Variants in ABHD18 observed in about 807,000 individuals in gnomAD.
The protein encoded by ABHD18 is abhydrolase domain containing 18.
Under a neutral mutation model 65.9 loss-of-function variants are expected in ABHD18, and 55 were observed. The observed-to-expected ratio is 0.84, with a 90% CI of 0.67 to 1.05. The LOEUF is 1.05. Among genes scored for constraint, ABHD18 ranks in the 50% least tolerant of loss-of-function variants. The pLI, the probability that ABHD18 is intolerant of heterozygous loss-of-function variation, is 0.00. For synonymous variants in ABHD18, 181 were observed against 180.2 expected (o/e 1.00, Z -0.04); for missense variants, 533 against 558.5 (o/e 0.95, Z 0.46).
At position 128,028,388 on chromosome 4, in the gene ABHD18, C is replaced by G. The variant is rs550082772; in HGVS notation, c.802-87C>G. On this transcript the variant is annotated intron_variant, in intron 10 of 12. Transcript: ENST00000645843. Reference sequence around the variant, plus strand: ...ATTTATCCATTTATTCATTGATGGACATTTGTCTTTTCTCTTTTTTTTTTG... The same window carrying G: ...ATTTATCCATTTATTCATTGATGGAGATTTGTCTTTTCTCTTTTTTTTTTG... 32 of 969,256 alleles carry G rather than the reference C, an allele frequency of 3.3e-5. No homozygotes were observed. In the African/African-American group the frequency reaches 5.1e-4, roughly 15 times the overall value. The allele number at this position is 969,256 out of a possible 1,614,324, so 60.0% of individuals were successfully genotyped here.
At chr4:128,009,269 T>A in intron 6 of ABHD18, 78 bp downstream of exon 6, 2 of 938,866 alleles carry the variant, frequency 2.1e-6, no homozygotes, top group African/African-American at 1.7e-5. Flanking sequence ...GGAATGATAG[T>A]AACCAAGTTT....
chr4:127,980,025 A>G (rs1296529788), intron 1 of ABHD18, among the ~76,000 whole-genome samples: 1 of 152,098 alleles, frequency 6.6e-6, no homozygotes, highest in Non-Finnish European at 1.5e-5. Context: ...AAAATGTGTT[A>G]CATTACTTTA....
chr4:127,984,676 G>C (rs1250327576), intron 3 of ABHD18, among the ~76,000 whole-genome samples: 3 of 151,990 alleles, frequency 2.0e-5, no homozygotes, highest in African/African-American at 7.3e-5. Context: ...GACCAACATG[G>C]AGAAACCCCG....
chr4:128,003,029 C>T (rs756025855), intron 4 of ABHD18, among the ~76,000 whole-genome samples: 2 of 152,038 alleles, frequency 1.3e-5, no homozygotes, highest in East Asian at 1.9e-4. Context: ...TGACATTTGA[C>T]CTTATTCTTC....
intron 7 of ABHD18, 116 bp downstream of exon 7, chr4:128,011,816 G>T: frequency 2.2e-6 from 1 of 455,112 alleles, no homozygotes; most frequent in South Asian, 3.9e-5. Context: ...ATTATGGGGG[G>T]GGGGAGTTCT....
At chr4:128,033,862 G>GA (rs1758559851) in intron 12 of ABHD18, among the ~76,000 whole-genome samples, 1 of 151,902 alleles carries the variant, frequency 6.6e-6, no homozygotes, top group African/African-American at 2.4e-5. Context: ...GCTGTGTTTG[G>GA]ATGTGAGGAT....
chr4:128,013,386 T>C (rs1254313372), intron 7 of ABHD18, among the ~76,000 whole-genome samples: 1 of 152,032 alleles, frequency 6.6e-6, no homozygotes, highest in African/African-American at 2.4e-5. Flanking sequence ...TGTGTATGAA[T>C]TGGATGGTGT....
chr4:128,028,502 T>A lies in ABHD18; in HGVS notation c.829T>A (p.Phe277Ile), dbSNP rs1020392118. Residue 277 changes from phenylalanine to isoleucine, a missense_variant, in exon 11 of 13, where the codon TTT becomes ATT. Physicochemically the swap from Phe to Ile is conservative, Grantham distance 21. Coordinates refer to ENST00000645843, the MANE Select transcript of ABHD18 (RefSeq NM_001358451.3). The part of the protein sequence containing the change: ...GTDSFKMGQE[F>I]VKHFTSSADK... ...AGATTCTTTCAAAATGGGACAAGAGTTTGTGAAACACTTCACTAGCAGTGC... is the reference window on the plus strand; with the variant it reads ...AGATTCTTTCAAAATGGGACAAGAGATTGTGAAACACTTCACTAGCAGTGC... 6 of 1,580,204 alleles carry A rather than the reference T, an allele frequency of 3.8e-6. No homozygotes were observed. Among genetic ancestry groups the A allele is most frequent in the Non-Finnish European group, 5.1e-6 (6 of 1,166,144 alleles).
chr4:128,015,087 A>G (rs1755258481), intron 7 of ABHD18, among the ~76,000 whole-genome samples: 1 of 151,726 alleles, frequency 6.6e-6, no homozygotes, highest in Non-Finnish European at 1.5e-5. Flanking sequence ...AAAAAAAAAA[A>G]AAAAAAAATT....
intron 10 of ABHD18, among the ~76,000 whole-genome samples, chr4:128,025,014 TA>T (rs201057667): frequency 4.7e-5 from 7 of 148,760 alleles, no homozygotes; most frequent in Admixed American, 6.7e-5. Flanking sequence ...TTCTTTAACT[TA>T]AAAAAAAAAT....
At chr4:128,014,553 C>G (rs1399277620) in intron 7 of ABHD18, among the ~76,000 whole-genome samples, 2 of 152,108 alleles carry the variant, frequency 1.3e-5, no homozygotes, top group South Asian at 2.1e-4. Context: ...ATAAAATATT[C>G]TATCACATAC....
chr4:127,966,533 G>A (rs1429044265), intron 1 of ABHD18, among the ~76,000 whole-genome samples: 1 of 151,758 alleles, frequency 6.6e-6, no homozygotes, highest in Non-Finnish European at 1.5e-5. Context: ...GTGTGTATCA[G>A]CCAGGCGCAG....
chr4:127,965,748 G>T, intron 1 of ABHD18, 142 bp downstream of exon 1: 1 of 162,736 alleles, frequency 6.1e-6, no homozygotes, highest in Non-Finnish European at 1.4e-5. Flanking sequence ...GGGTGAGGCT[G>T]GGGGTGAGAG....
chr4:127,989,764 T>C lies in ABHD18; in HGVS notation c.221T>C (p.Val74Ala). ...SDCKILDGHF[V>A]SPMAHYVPDI... is the part of the protein sequence containing the mutation. ...TGTAAGATCTTAGATGGACACTTTG[T>C]TTCCCCCATGGCTCACTATGTGCCT... is the stretch of plus-strand genomic sequence containing the variant. The change falls in exon 4 of 13, where the codon GTT becomes GCT. Residue 74 changes from valine to alanine, a missense_variant. Coordinates refer to ENST00000645843, the MANE Select transcript of ABHD18 (RefSeq NM_001358451.3). 6.2e-7 allele frequency: 1 copy of C among 1,603,028 alleles called. No individual in the cohort carries two copies. Among genetic ancestry groups the C allele is most frequent in the Non-Finnish European group, 8.5e-7 (1 of 1,174,634 alleles).
In ABHD18 at chr4:128,018,404, C is replaced by A. The variant is rs533975901; in HGVS notation, c.609+903C>A. ...GGGATTATAGGTGTGGGCCACTGCA[C>A]CTGGCCTAAAAAATAATAATACCCC... On this transcript the variant is annotated intron_variant, in intron 8 of 12. Transcript: ENST00000645843. Among the ~76,000 whole-genome samples, 8 of 152,196 alleles carry A rather than the reference C, an allele frequency of 5.3e-5. No individual in the cohort carries two copies. In the East Asian group the frequency reaches 1.2e-3, roughly 22 times the overall value.
Position 128,009,137 on chromosome 4 carries a change from C to G in ABHD18, c.388C>G (p.Arg130Gly), listed in dbSNP as rs748228526. Residue 130 changes from arginine to glycine, a missense_variant, in exon 6 of 13, where the codon CGT becomes GGT. Coordinates refer to ENST00000645843, the MANE Select transcript of ABHD18 (RefSeq NM_001358451.3). ...HYWRRRTLMA[R>G]PMIKEARMAS... ...CTGGAGGCGACGAACACTAATGGCCCGTCCTATGATTAAAGAAGCCCGAAT... is the reference window on the plus strand; with the variant it reads ...CTGGAGGCGACGAACACTAATGGCCGGTCCTATGATTAAAGAAGCCCGAAT... The G allele has an allele frequency of 2.6e-6, 4 of 1,545,202 alleles. No homozygotes were observed. The highest frequency in any genetic ancestry group is 2.6e-6 in the Non-Finnish European group (3 of 1,158,388).
At chr4:127,988,347 C>T (rs1333686391) in intron 3 of ABHD18, among the ~76,000 whole-genome samples, 3 of 152,176 alleles carry the variant, frequency 2.0e-5, no homozygotes, top group Non-Finnish European at 4.4e-5. Flanking sequence ...CCTCCCACCT[C>T]AGCCTCCCAC....
At chr4:128,001,512 A>G (rs928524680) in intron 4 of ABHD18, among the ~76,000 whole-genome samples, 2 of 152,158 alleles carry the variant, frequency 1.3e-5, no homozygotes, top group Admixed American at 6.6e-5. Flanking sequence ...TAACTTGTTG[A>G]TGTGCTAGTG....
rs532539983 is a variant in ABHD18, at chr4:128,034,659, T to C, written c.1344-1103T>C. Reference sequence around the variant, plus strand: ...TGTCTATTCCTTTTCTTTTTCTTTCTTTTTTTTTTGAAACAGAGTTTCGCT... The same window carrying C: ...TGTCTATTCCTTTTCTTTTTCTTTCCTTTTTTTTTGAAACAGAGTTTCGCT... On this transcript the variant is annotated intron_variant, in intron 12 of 12. Transcript: ENST00000645843. Among the ~76,000 whole-genome samples the C allele has an allele frequency of 7.3e-4, 109 of 149,460 alleles. 2 individuals are homozygous for C. Among genetic ancestry groups the C allele is most frequent in the Non-Finnish European group, 1.0e-4 (7 of 67,158 alleles).
Sources: gnomAD v4.1 joint callset for allele counts (sites outside exome capture counted in the v4.1 genomes callset) on GRCh38, gnomAD v4.1.1 for gene constraint, MANE v1.5 for transcripts, NCBI Gene and HGNC (gene_info 2026-07-23, HGNC 2026-07-21) for gene names.